MAP3K20: variants seen among roughly 807,000 people sequenced by gnomAD.
MAP3K20 encodes the protein HCCS-4.
In MAP3K20, 40 loss-of-function variants were observed where a neutral mutation model predicts 85.7. That is an observed-to-expected ratio of 0.47 (90% CI 0.36 to 0.61). The LOEUF (loss-of-function observed/expected upper bound fraction) is 0.61. Ranked by LOEUF, MAP3K20 falls within the 20% of genes least tolerant of loss-of-function variation. The pLI, the probability that MAP3K20 is intolerant of heterozygous loss-of-function variation, is 0.00. For missense variants in MAP3K20, 817 were observed against 961.7 expected (o/e 0.85, Z 1.99); for synonymous variants, 325 against 327.7 (o/e 0.99, Z 0.09).
intron 2 of MAP3K20, among the ~76,000 whole-genome samples, chr2:173,113,307 A>T (rs188262469): frequency 6.6e-6 from 1 of 151,922 alleles, no homozygotes; most frequent in East Asian, 1.9e-4. Flanking sequence ...AATCTTGCCA[A>T]TGGTCTATCA....
chr2:173,169,435 C>T (rs538458765), intron 2 of MAP3K20, among the ~76,000 whole-genome samples: 1 of 152,120 alleles, frequency 6.6e-6, no homozygotes, highest in African/African-American at 2.4e-5. Flanking sequence ...TAGAAGAAAA[C>T]TAAGGCCGGG....
At chr2:173,076,661 C>T (rs1686871221) in intron 1 of MAP3K20, among the ~76,000 whole-genome samples, 1 of 152,372 alleles carries the variant, frequency 6.6e-6, no homozygotes, top group Admixed American at 6.5e-5. Context: ...GTAAATGTAT[C>T]CAGAGCCACC....
At chr2:173,161,348 C>T (rs1689652261) in intron 2 of MAP3K20, among the ~76,000 whole-genome samples, 1 of 152,072 alleles carries the variant, frequency 6.6e-6, no homozygotes, top group Non-Finnish European at 1.5e-5. Context: ...TGAAATGTAC[C>T]CTAAGTAACC....
intron 5 of MAP3K20, among the ~76,000 whole-genome samples, chr2:173,188,177 G>A (rs1032812415): frequency 1.3e-5 from 2 of 152,114 alleles, no homozygotes; most frequent in South Asian, 2.1e-4. Flanking sequence ...CTCTTCTTCT[G>A]TACTTTCTAA....
chr2:173,137,684 A>G (rs1688835831), intron 2 of MAP3K20, among the ~76,000 whole-genome samples: 1 of 152,196 alleles, frequency 6.6e-6, no homozygotes, highest in South Asian at 2.1e-4. Flanking sequence ...GTGTCCCAAA[A>G]AAGAAAAGGG....
chr2:173,107,412 A>G (rs1200071820), intron 2 of MAP3K20, among the ~76,000 whole-genome samples: 2 of 152,116 alleles, frequency 1.3e-5, no homozygotes, highest in African/African-American at 2.4e-5. Flanking sequence ...GCTAGAATAC[A>G]TGCGGTCCTG....
intron 1 of MAP3K20, among the ~76,000 whole-genome samples, chr2:173,083,309 A>G (rs113062339): frequency 1.3e-5 from 2 of 152,190 alleles, no homozygotes; most frequent in East Asian, 1.9e-4. Flanking sequence ...ATACAGTACA[A>G]GTTGGTTCTG....
At chr2:173,217,356 AT>A in intron 11 of MAP3K20, 106 bp downstream of exon 11, 1 of 1,305,616 alleles carries the variant, frequency 7.7e-7, no homozygotes, top group Non-Finnish European at 9.9e-7. Flanking sequence ...CCCCCTCCTC[AT>A]TTCCTGCCTC....
intron 2 of MAP3K20, among the ~76,000 whole-genome samples, chr2:173,164,534 G>A (rs1243647821): frequency 2.0e-5 from 3 of 152,120 alleles, no homozygotes; most frequent in African/African-American, 7.2e-5. Context: ...CTTTTGCTGT[G>A]CACAAGCTCT....
intron 11 of MAP3K20, chr2:173,225,578 A>G (rs1272469293): frequency 1.1e-6 from 1 of 951,766 alleles, no homozygotes; most frequent in Non-Finnish European, 1.2e-6. Flanking sequence ...TGGATGACAG[A>G]GTGAGACTTC....
intron 8 of MAP3K20, among the ~76,000 whole-genome samples, chr2:173,200,496 T>C (rs1428080767): frequency 6.6e-6 from 1 of 152,248 alleles, no homozygotes; most frequent in African/African-American, 2.4e-5. Context: ...AAGAAAGACA[T>C]GTTCAAGTGT....
chr2:173,185,606 AATG>A (rs1690462414), intron 4 of MAP3K20, among the ~76,000 whole-genome samples: 1 of 152,238 alleles, frequency 6.6e-6, no homozygotes, highest in African/African-American at 2.4e-5. Context: ...CCACTGGAGC[AATG>A]ATATGTTGAG....
intron 3 of MAP3K20, among the ~76,000 whole-genome samples, chr2:173,181,825 G>A (rs1690337471): frequency 6.6e-6 from 1 of 151,492 alleles, no homozygotes; most frequent in South Asian, 2.1e-4. Context: ...AGACAGGTGG[G>A]ATTGCTTGAG....
chr2:173,147,821 G>A (rs1436927482), intron 2 of MAP3K20, among the ~76,000 whole-genome samples: 2 of 152,110 alleles, frequency 1.3e-5, no homozygotes, highest in African/African-American at 2.4e-5. Context: ...TCTTGATCTC[G>A]TGATCCACCC....
intron 2 of MAP3K20, among the ~76,000 whole-genome samples, chr2:173,107,533 AT>A: frequency 6.6e-6 from 1 of 152,288 alleles, no homozygotes; most frequent in East Asian, 1.9e-4. Context: ...GGACTCGCCT[AT>A]TTACATGTTT....
intron 3 of MAP3K20, among the ~76,000 whole-genome samples, chr2:173,179,478 A>G (rs1016281247): frequency 6.6e-6 from 1 of 152,132 alleles, no homozygotes; most frequent in African/African-American, 2.4e-5. Flanking sequence ...AGCATCTACA[A>G]AAACCCACAG....
intron 1 of MAP3K20, among the ~76,000 whole-genome samples, chr2:173,089,190 A>G (rs1220833754): frequency 6.6e-6 from 1 of 151,992 alleles, no homozygotes; most frequent in African/African-American, 2.4e-5. Flanking sequence ...ATTTAAAAAA[A>G]AAAAACTCAC....
At chr2:173,201,966 C>T (rs901043194) in intron 8 of MAP3K20, among the ~76,000 whole-genome samples, 14 of 152,162 alleles carry the variant, frequency 9.2e-5, no homozygotes, top group African/African-American at 3.1e-4. Context: ...CATATTCAGC[C>T]AGCTCACATT....
intron 7 of MAP3K20, chr2:173,192,929 AG>A (rs1460072895): frequency 6.6e-6 from 1 of 152,196 alleles, no homozygotes; most frequent in Non-Finnish European, 1.5e-5. Flanking sequence ...TTTGGCTTTG[AG>A]GGCCACTTAC....
Sources: allele counts gnomAD v4.1 joint callset (sites outside exome capture counted in the v4.1 genomes callset), GRCh38; gene constraint gnomAD v4.1.1; transcripts MANE v1.5; gene names NCBI Gene and HGNC (gene_info 2026-07-23, HGNC 2026-07-21).